Variants in OR51B5 observed in about 807,000 individuals in gnomAD.
The protein encoded by OR51B5 is olfactory receptor 51B5.
For missense variants in OR51B5, 456 were observed against 374.6 expected, an observed-to-expected ratio of 1.22 and a Z score of -1.79; for synonymous variants, 186 against 144.8, an observed-to-expected ratio of 1.28 and a Z score of -2.04.
chr11:5,375,605 G>T (rs924028388), intron 1 of OR51B5, among the ~76,000 whole-genome samples: 1 of 152,088 alleles, frequency 6.6e-6, no homozygotes, highest in East Asian at 1.9e-4. Flanking sequence ...AAAATAAAAG[G>T]ATGGAGGAAG....
chr11:5,377,785 CA>C (rs369290171), intron 1 of OR51B5, among the ~76,000 whole-genome samples: 39,296 of 149,782 alleles, frequency 0.26, 5,038 homozygotes, highest in African/African-American at 0.32. Context: ...AGGAGAACTA[CA>C]AACCACTGCT....
chr11:5,399,634 C>T (rs1377775743), intron 1 of OR51B5, among the ~76,000 whole-genome samples: 1 of 152,050 alleles, frequency 6.6e-6, no homozygotes, highest in Non-Finnish European at 1.5e-5. Context: ...CTTTTGTAAC[C>T]TTTCAAGCTA....
chr11:5,382,101 A>C (rs1167778766), intron 1 of OR51B5, among the ~76,000 whole-genome samples: 1 of 152,196 alleles, frequency 6.6e-6, no homozygotes, highest in Non-Finnish European at 1.5e-5. Flanking sequence ...AACCATCAAA[A>C]TGTGTACCAT....
chr11:5,402,554 T>C (rs952178466), intron 1 of OR51B5: 13 of 427,856 alleles, frequency 3.0e-5, no homozygotes, highest in Middle Eastern at 3.5e-4. Flanking sequence ...AGTTTGTTTC[T>C]AATTTTCAAG....
chr11:5,357,733 A>C (rs1344370831), intron 1 of OR51B5, among the ~76,000 whole-genome samples: 1 of 150,240 alleles, frequency 6.7e-6, no homozygotes, highest in Admixed American at 6.6e-5. Context: ...TTGACCACAT[A>C]GTTGGAAGTA....
At chr11:5,352,248 G>C in intron 1 of OR51B5, 1 of 1,614,162 alleles carries the variant, frequency 6.2e-7, no homozygotes. Context: ...GCTGCATCCT[G>C]GTCTTCTATG....
intron 1 of OR51B5, among the ~76,000 whole-genome samples, chr11:5,378,171 T>C (rs1423732231): frequency 6.6e-6 from 1 of 151,768 alleles, no homozygotes; most frequent in Non-Finnish European, 1.5e-5. Context: ...TCTACAACTA[T>C]CTGATCTTTG....
intron 1 of OR51B5, among the ~76,000 whole-genome samples, chr11:5,394,242 G>A (rs1225210528): frequency 2.6e-5 from 4 of 151,942 alleles, no homozygotes; most frequent in Non-Finnish European, 5.9e-5. Context: ...ATAACCTTAT[G>A]AGATGGATAC....
intron 1 of OR51B5, among the ~76,000 whole-genome samples, chr11:5,381,979 C>T (rs950661027): frequency 3.9e-5 from 6 of 152,238 alleles, no homozygotes; most frequent in African/African-American, 1.4e-4. Flanking sequence ...CTGCATCCAG[C>T]TCCATACACC....
chr11:5,473,288 T>C (rs1407651854), intron 1 of OR51B5, among the ~76,000 whole-genome samples: 2 of 152,302 alleles, frequency 1.3e-5, no homozygotes, highest in South Asian at 4.1e-4. Context: ...TGAGGGGTGT[T>C]TGACTTTTAA....
chr11:5,472,309 C>G (rs943022169), intron 1 of OR51B5, among the ~76,000 whole-genome samples: 2 of 152,074 alleles, frequency 1.3e-5, no homozygotes, highest in Non-Finnish European at 2.9e-5. Context: ...ACCCTAATCA[C>G]TAAAGGATTT....
chr11:5,397,103 A>G (rs1282946695), intron 1 of OR51B5, among the ~76,000 whole-genome samples: 3 of 152,236 alleles, frequency 2.0e-5, no homozygotes, highest in African/African-American at 7.2e-5. Context: ...TAAAAACTCT[A>G]GAAGAAAACC....
Position 5,440,775 on chromosome 11 carries a change from A to G in OR51B5, n.84+64794T>C, listed in dbSNP as rs752323523. On this transcript the variant is annotated intron_variant and non_coding_transcript_variant, in intron 1 of 4. Transcript: ENST00000415970. ...CACATAAAAGGCCAGCACTGCACAG[A>G]TGTGTGACATGCAGGTGTTGAGTGC... The G allele has an allele frequency of 1.8e-5, 29 of 1,613,846 alleles. No individual in the cohort carries two copies. Among genetic ancestry groups the G allele is most frequent in the Non-Finnish European group, 2.4e-5 (28 of 1,179,962 alleles).
chr11:5,412,392 A>C (rs1296235158), intron 1 of OR51B5, among the ~76,000 whole-genome samples: 1 of 152,090 alleles, frequency 6.6e-6, no homozygotes, highest in Non-Finnish European at 1.5e-5. Flanking sequence ...CTGCATTTCC[A>C]TCTGAGGTAT....
chr11:5,356,002 G>A (rs1297469728), intron 1 of OR51B5, among the ~76,000 whole-genome samples: 2 of 144,892 alleles, frequency 1.4e-5, no homozygotes, highest in Non-Finnish European at 3.1e-5. Context: ...AAGACCAAAG[G>A]TAGATAAAAC....
chr11:5,357,871 C>T (rs534905378), intron 1 of OR51B5, among the ~76,000 whole-genome samples: 1 of 151,936 alleles, frequency 6.6e-6, no homozygotes, highest in South Asian at 2.1e-4. Context: ...GGAAACCGAA[C>T]AAATTGCTCC....
intron 1 of OR51B5, chr11:5,354,658 C>T (rs1473916661): frequency 1.9e-5 from 3 of 161,900 alleles, no homozygotes; most frequent in East Asian, 1.8e-4. Flanking sequence ...CCACACTGAG[C>T]GCTCAGCTCC....
chr11:5,383,145 A>T (rs1237276710), intron 1 of OR51B5, among the ~76,000 whole-genome samples: 2 of 152,062 alleles, frequency 1.3e-5, no homozygotes, highest in African/African-American at 4.8e-5. Flanking sequence ...GAAGGAAAAA[A>T]GTTTTGTAAA....
At chr11:5,439,947 G>T (rs778172767) in intron 1 of OR51B5, among the ~76,000 whole-genome samples, 1 of 152,170 alleles carries the variant, frequency 6.6e-6, no homozygotes, top group African/African-American at 2.4e-5. Flanking sequence ...ACTTGGAATA[G>T]TACTGTTCTA....
Sources: gnomAD v4.1 joint callset for allele counts (sites outside exome capture counted in the v4.1 genomes callset) on GRCh38, gnomAD v4.1.1 for gene constraint, MANE v1.5 for transcripts, NCBI Gene and HGNC (gene_info 2026-07-23, HGNC 2026-07-21) for gene names.